MARCHF3: variants seen among roughly 807,000 people sequenced by gnomAD.
MARCHF3 encodes the protein membrane associated ring-CH-type finger 3.
Under a neutral mutation model 24.2 loss-of-function variants are expected in MARCHF3, and 13 were observed. That is an observed-to-expected ratio of 0.54 (90% CI 0.35 to 0.85). The LOEUF is 0.85. MARCHF3 is among the 40% of genes least tolerant of loss of function. The pLI, the probability that MARCHF3 is intolerant of heterozygous loss-of-function variation, is 0.01. For synonymous variants in MARCHF3, 144 were observed against 137.3 expected, an observed-to-expected ratio of 1.05 and a Z score of -0.34; for missense variants, 276 against 325.0, an observed-to-expected ratio of 0.85 and a Z score of 1.16.
chr5:127,008,443 C>A (rs1752375364), intron 1 of MARCHF3, among the ~76,000 whole-genome samples: 1 of 152,112 alleles, frequency 6.6e-6, no homozygotes, highest in African/African-American at 2.4e-5. Context: ...TGGGTGAATC[C>A]ACTCAGAATT....
intron 3 of MARCHF3, among the ~76,000 whole-genome samples, chr5:126,910,804 G>C (rs1754494112): frequency 1.3e-5 from 2 of 152,244 alleles, no homozygotes; most frequent in African/African-American, 4.8e-5. Context: ...CAGGAAACAA[G>C]AGAGATAACC....
At chr5:126,874,398 C>T (rs1301803652) in intron 4 of MARCHF3, among the ~76,000 whole-genome samples, 1 of 152,098 alleles carries the variant, frequency 6.6e-6, no homozygotes, top group East Asian at 1.9e-4. Flanking sequence ...GACTGCCTGA[C>T]CAACATGGAG....
intron 1 of MARCHF3, among the ~76,000 whole-genome samples, chr5:127,024,576 T>C (rs1752933451): frequency 6.6e-6 from 1 of 152,228 alleles, no homozygotes; most frequent in Non-Finnish European, 1.5e-5. Flanking sequence ...CCATGATAGG[T>C]ACTCAATTAG....
At chr5:126,939,078 T>C (rs934100211) in intron 1 of MARCHF3, among the ~76,000 whole-genome samples, 1 of 152,206 alleles carries the variant, frequency 6.6e-6, no homozygotes, top group African/African-American at 2.4e-5. Context: ...TTCTCCCTTC[T>C]TGGATATTGT....
chr5:126,967,331 G>A (rs1750853586), intron 1 of MARCHF3, among the ~76,000 whole-genome samples: 1 of 152,086 alleles, frequency 6.6e-6, no homozygotes. Context: ...GTGCGTGTCT[G>A]AACAAATGTA....
intron 3 of MARCHF3, among the ~76,000 whole-genome samples, chr5:126,909,231 G>C (rs1456180836): frequency 6.6e-6 from 1 of 152,242 alleles, no homozygotes. Flanking sequence ...AAAGCTGTCA[G>C]ACAGGGACAT....
At chr5:126,887,141 C>A (rs1753533437) in intron 3 of MARCHF3, among the ~76,000 whole-genome samples, 1 of 152,214 alleles carries the variant, frequency 6.6e-6, no homozygotes, top group Non-Finnish European at 1.5e-5. Context: ...GGCTCCCCAT[C>A]ACCCTTAGCC....
chr5:126,921,903 A>G (rs1749120664), intron 1 of MARCHF3, among the ~76,000 whole-genome samples: 2 of 152,138 alleles, frequency 1.3e-5, no homozygotes, highest in South Asian at 2.1e-4. Context: ...GTGAAAACAG[A>G]GGGGGTGGGC....
chr5:126,870,570 C>T lies in MARCHF3; in HGVS notation c.*63G>A, dbSNP rs531337178. The T allele has an allele frequency of 6.5e-7, 1 of 1,533,024 alleles. No homozygotes were observed. The highest frequency in any genetic ancestry group is 2.2e-5 in the East Asian group (1 of 44,470). The allele number at this position is 1,533,024 out of a possible 1,614,324, so 95.0% of individuals were successfully genotyped here. A position where few individuals can be genotyped will look rare whatever the true frequency, so the allele number is the denominator to read the frequency against. On this transcript the variant is annotated 3_prime_UTR_variant, in exon 5 of 5. Transcript: ENST00000308660. ...GGCTTGGGGGTCGCTCAGTGCATGA[C>T]CCCAGTGCAGACACTTCCAAACCCC...
intron 3 of MARCHF3, among the ~76,000 whole-genome samples, chr5:126,892,226 G>A (rs865930577): frequency 2.8e-4 from 40 of 142,386 alleles, no homozygotes; most frequent in Admixed American, 5.7e-4. Flanking sequence ...CAATCATGTC[G>A]TCTGCAAACA....
chr5:126,887,893 A>G (rs1243651271), intron 3 of MARCHF3, among the ~76,000 whole-genome samples: 1 of 152,120 alleles, frequency 6.6e-6, no homozygotes. Context: ...CAAAGCCTCC[A>G]TTATTCCTTC....
chr5:127,029,672 C>T (rs1241615450), intron 1 of MARCHF3, among the ~76,000 whole-genome samples: 3 of 152,206 alleles, frequency 2.0e-5, no homozygotes, highest in Admixed American at 2.0e-4. Context: ...TAGGATTCTC[C>T]AAGGCACTGG....
chr5:126,911,827 C>T (rs1754541855), intron 3 of MARCHF3, among the ~76,000 whole-genome samples: 1 of 152,212 alleles, frequency 6.6e-6, no homozygotes, highest in African/African-American at 2.4e-5. Context: ...TAAGTAGACA[C>T]ACATAATCAA....
chr5:127,017,807 T>C (rs1752678729), intron 1 of MARCHF3, among the ~76,000 whole-genome samples: 3 of 152,166 alleles, frequency 2.0e-5, no homozygotes, highest in Admixed American at 2.0e-4. Context: ...TCAAACAAAA[T>C]GAATAACTTT....
chr5:126,910,605 A>T (rs1267912986), intron 3 of MARCHF3, among the ~76,000 whole-genome samples: 1 of 152,206 alleles, frequency 6.6e-6, no homozygotes, highest in African/African-American at 2.4e-5. Context: ...GCCTGTCTTT[A>T]CTGCAGTTTC....
At chr5:127,026,262 T>C (rs1016846718) in intron 1 of MARCHF3, among the ~76,000 whole-genome samples, 2 of 152,176 alleles carry the variant, frequency 1.3e-5, no homozygotes, top group African/African-American at 4.8e-5. Flanking sequence ...GCTTTTCCAT[T>C]TTTCTAAGTC....
At chr5:126,922,722 A>G (rs1749159540) in intron 1 of MARCHF3, among the ~76,000 whole-genome samples, 2 of 151,574 alleles carry the variant, frequency 1.3e-5, no homozygotes, top group African/African-American at 4.9e-5. Flanking sequence ...AATTTTTTAT[A>G]TTTTTAGTAG....
chr5:126,876,683 C>T (rs1205669538), intron 4 of MARCHF3, among the ~76,000 whole-genome samples: 1 of 151,936 alleles, frequency 6.6e-6, no homozygotes, highest in African/African-American at 2.4e-5. Flanking sequence ...TGGAGTCTCA[C>T]TCTGTCACCA....
At chr5:127,019,344 A>G (rs1752725664) in intron 1 of MARCHF3, among the ~76,000 whole-genome samples, 1 of 152,012 alleles carries the variant, frequency 6.6e-6, no homozygotes, top group Admixed American at 6.6e-5. Flanking sequence ...CCATCCCCCA[A>G]CATACCTATA....
Sources: gnomAD v4.1 joint callset for allele counts (sites outside exome capture counted in the v4.1 genomes callset) on GRCh38, gnomAD v4.1.1 for gene constraint, MANE v1.5 for transcripts, NCBI Gene and HGNC (gene_info 2026-07-23, HGNC 2026-07-21) for gene names.